Variants in GTF2E2 observed in about 807,000 individuals in gnomAD.
GTF2E2 encodes the protein transcription initiation factor IIE subunit beta.
A neutral mutation model predicts 40.5 loss-of-function variants in GTF2E2; 21 were observed. The observed-to-expected ratio is 0.52, with a 90% CI of 0.37 to 0.75. The LOEUF (loss-of-function observed/expected upper bound fraction) is 0.75, where lower values mean the gene tolerates loss of function less well. Ranked by LOEUF, GTF2E2 falls within the 30% of genes least tolerant of loss-of-function variation. The pLI is 0.00. For missense variants in GTF2E2, 298 were observed against 338.4 expected (o/e 0.88, Z 0.94); for synonymous variants, 117 against 121.6 (o/e 0.96, Z 0.25).
At chr8:30,585,317 C>G (rs1828644923) in intron 6 of GTF2E2, among the ~76,000 whole-genome samples, 1 of 152,194 alleles carries the variant, frequency 6.6e-6, no homozygotes, top group Non-Finnish European at 1.5e-5. Context: ...TTACTGTTAT[C>G]ATCACCATCT....
chr8:30,636,577 T>C (rs1801605744), intron 2 of GTF2E2, among the ~76,000 whole-genome samples: 1 of 152,190 alleles, frequency 6.6e-6, no homozygotes, highest in South Asian at 2.1e-4. Context: ...CACACTGAAG[T>C]CTACCATGTT....
At chr8:30,601,762 C>T (rs1202586503) in intron 6 of GTF2E2, among the ~76,000 whole-genome samples, 2 of 152,192 alleles carry the variant, frequency 1.3e-5, no homozygotes, top group East Asian at 1.9e-4. Flanking sequence ...GTATACTGTA[C>T]ACAGAATATA....
chr8:30,624,476 G>A (rs550731785), intron 3 of GTF2E2, among the ~76,000 whole-genome samples: 1 of 152,220 alleles, frequency 6.6e-6, no homozygotes, highest in East Asian at 1.9e-4. Flanking sequence ...TTTGGCTTAG[G>A]ACTGACTTCA....
In GTF2E2 at chr8:30,634,399, G is replaced by A. The variant is rs143777289; in HGVS notation, c.258+633C>T. ...GGAGTTCAAGGCTGCAGTGAGCTAC[G>A]ATCGTGCCACTGCACTCCAGCCTGG... On this transcript the variant is annotated intron_variant, in intron 3 of 7. Transcript: ENST00000355904. Among the ~76,000 whole-genome samples, 1,140 of 152,004 alleles carry A rather than the reference G, an allele frequency of 7.5e-3. 19 individuals carry two copies. The highest frequency in any genetic ancestry group is 0.025 in the African/African-American group (1,034 of 41,440).
chr8:30,592,739 A>G (rs562675335), intron 6 of GTF2E2, among the ~76,000 whole-genome samples: 1 of 152,364 alleles, frequency 6.6e-6, no homozygotes, highest in Admixed American at 6.5e-5. Flanking sequence ...TAATAAAGAC[A>G]AAATTTTTTT....
chr8:30,578,830 GCAGATAGGAAGA>G lies in GTF2E2; in HGVS notation c.*79_*90del. On this transcript the variant is annotated 3_prime_UTR_variant, in exon 8 of 8. Transcript: ENST00000355904. ...CTGCTCCTCTCCTCAGCCGCAAGAA[GCAGATAGGAAGA>G]CAGTCTTCAGACCCCGAGCATCAGC... 1.3e-6 allele frequency: 1 copy of G among 753,952 alleles called. No individual in the cohort carries two copies. The highest frequency in any genetic ancestry group is 2.4e-6 in the Non-Finnish European group (1 of 410,380). The allele number at this position is 753,952 out of a possible 1,614,324, so 46.7% of individuals were successfully genotyped here. A position where few individuals can be genotyped will look rare whatever the true frequency, so the allele number is the denominator to read the frequency against.
intron 3 of GTF2E2, among the ~76,000 whole-genome samples, chr8:30,618,204 G>T (rs1800980375): frequency 7.6e-6 from 1 of 132,142 alleles, no homozygotes; most frequent in African/African-American, 2.9e-5. Context: ...GGCTGAGGAA[G>T]GAGAATCGCT....
Position 30,579,078 on chromosome 8 carries a change from C to T in GTF2E2, c.760-41G>A, listed in dbSNP as rs531073678. On this transcript the variant is annotated intron_variant, in intron 7 of 7. Transcript: ENST00000355904. The stretch of plus-strand genomic sequence containing the variant: ...AAAACAATTAGAAACAACAGCTGCT[C>T]TGAGGGGTGGTGTGGCCAGGATGTT... 14 of 1,037,540 alleles carry T rather than the reference C, an allele frequency of 1.3e-5. No individual in the cohort carries two copies. The South Asian group carries it at 1.6e-4, about 12-fold the overall frequency. 64.3% of individuals were successfully genotyped at this position (1,037,540 alleles called of 1,614,324 possible).
At chr8:30,635,007 T>G (rs1014301048) in intron 3 of GTF2E2, 25 bp downstream of exon 3, 20 of 1,309,926 alleles carry the variant, frequency 1.5e-5, no homozygotes, top group Non-Finnish European at 2.1e-5. Flanking sequence ...AAATAGGACT[T>G]TTGCTATCTG....
chr8:30,615,088 G>C (rs1027112177), intron 3 of GTF2E2, among the ~76,000 whole-genome samples: 3 of 152,034 alleles, frequency 2.0e-5, no homozygotes, highest in African/African-American at 7.3e-5. Flanking sequence ...AGACCAGCCT[G>C]GCCAACATGG....
chr8:30,638,856 A>C (rs1279221864), intron 2 of GTF2E2, among the ~76,000 whole-genome samples: 1 of 152,196 alleles, frequency 6.6e-6, no homozygotes, highest in Non-Finnish European at 1.5e-5. Flanking sequence ...GCCTTAATGG[A>C]AAATTCATTA....
rs1466338962 is a variant in GTF2E2 at position 30,658,222 on chromosome 8, T to TG, written c.-255dup. 1.1e-5 allele frequency: 2 copies of TG among 174,800 alleles called. No individual in the cohort carries two copies. Among genetic ancestry groups the TG allele is most frequent in the Non-Finnish European group, 2.4e-5 (2 of 81,772 alleles). 10.8% of individuals were successfully genotyped at this position (174,800 alleles called of 1,614,324 possible). ...CTCCGCCCGCCACTTCCCGATCGGG[T>TG]GCTAGGAGCTCAGTCCCGGCAGCCA... On this transcript the variant is annotated 5_prime_UTR_variant, in exon 1 of 8. Coordinates refer to ENST00000355904, the MANE Select transcript of GTF2E2 (RefSeq NM_002095.6).
At chr8:30,628,462 T>A (rs1360611532) in intron 3 of GTF2E2, among the ~76,000 whole-genome samples, 1 of 152,146 alleles carries the variant, frequency 6.6e-6, no homozygotes, top group Non-Finnish European at 1.5e-5. Context: ...AACTTACTGA[T>A]TAGGTTAATA....
chr8:30,622,176 A>G (rs1408403191), intron 3 of GTF2E2, among the ~76,000 whole-genome samples: 1 of 124,244 alleles, frequency 8.0e-6, no homozygotes, highest in African/African-American at 3.2e-5. Context: ...CCTGTGTCCA[A>G]GGGTATTAGG....
At chr8:30,625,718 C>T (rs1455766717) in intron 3 of GTF2E2, among the ~76,000 whole-genome samples, 2 of 152,162 alleles carry the variant, frequency 1.3e-5, no homozygotes, top group Non-Finnish European at 2.9e-5. Context: ...TGTGCCTCAG[C>T]CTCCTGAGTA....
At chr8:30,598,635 C>T (rs1170861519) in intron 6 of GTF2E2, among the ~76,000 whole-genome samples, 1 of 152,134 alleles carries the variant, frequency 6.6e-6, no homozygotes, top group Non-Finnish European at 1.5e-5. Context: ...AAATATATGA[C>T]ATCTACTATG....
chr8:30,625,446 T>G (rs1374737294), intron 3 of GTF2E2, among the ~76,000 whole-genome samples: 3 of 152,120 alleles, frequency 2.0e-5, no homozygotes, highest in Non-Finnish European at 2.9e-5. Flanking sequence ...AATCGTGATT[T>G]TAAAAAATAA....
At chr8:30,652,667 A>C (rs955104091) in intron 2 of GTF2E2, among the ~76,000 whole-genome samples, 6 of 152,216 alleles carry the variant, frequency 3.9e-5, no homozygotes, top group African/African-American at 1.2e-4. Context: ...TAACAAGTTA[A>C]ATATAAATTT....
At chr8:30,601,553 T>A (rs920003182) in intron 6 of GTF2E2, among the ~76,000 whole-genome samples, 1 of 152,024 alleles carries the variant, frequency 6.6e-6, no homozygotes, top group African/African-American at 2.4e-5. Flanking sequence ...AAAAAAAAAC[T>A]ACTCAACCAA....
Sources: allele counts gnomAD v4.1 joint callset (sites outside exome capture counted in the v4.1 genomes callset), GRCh38; gene constraint gnomAD v4.1.1; transcripts MANE v1.5; gene names NCBI Gene and HGNC (gene_info 2026-07-23, HGNC 2026-07-21).